Variants in DLGAP2 observed in about 807,000 individuals in gnomAD.
DLGAP2 encodes the protein disks large-associated protein 2.
DLGAP2 carries 26 observed loss-of-function variants against 100.3 expected under a neutral mutation model. The observed-to-expected ratio is 0.26, with a 90% CI of 0.19 to 0.36. DLGAP2 has a LOEUF of 0.36. Ranked by LOEUF, DLGAP2 falls within the 10% of genes least tolerant of loss-of-function variation. The pLI, the probability that DLGAP2 is intolerant of heterozygous loss-of-function variation, is 1.00. For missense variants in DLGAP2, 1,858 were observed against 1,453.2 expected (o/e 1.28, Z -4.53); for synonymous variants, 886 against 630.1 (o/e 1.41, Z -6.08).
intron 2 of DLGAP2, among the ~76,000 whole-genome samples, chr8:1,100,921 C>G (rs1168356967): frequency 6.6e-6 from 1 of 152,204 alleles, no homozygotes; most frequent in African/African-American, 2.4e-5. Flanking sequence ...TATAGCTGTT[C>G]CAGTGAAACT....
chr8:1,049,982 A>T (rs2701913), intron 2 of DLGAP2, among the ~76,000 whole-genome samples: 48,060 of 152,112 alleles, frequency 0.32, 7,885 homozygotes, highest in Middle Eastern at 0.39. Flanking sequence ...GCCTACGTGT[A>T]TGCACATGCA....
At chr8:1,694,980 G>A (rs527365233) in intron 13 of DLGAP2, among the ~76,000 whole-genome samples, 5 of 152,320 alleles carry the variant, frequency 3.3e-5, no homozygotes, top group East Asian at 3.9e-4. Flanking sequence ...GGCTGTGCCC[G>A]TCCGGCCCCA....
intron 2 of DLGAP2, among the ~76,000 whole-genome samples, chr8:1,222,826 G>A (rs77185680): frequency 0.022 from 3,280 of 152,192 alleles, 117 homozygotes; most frequent in African/African-American, 0.075. Context: ...GCATCCAGGC[G>A]GGGAGCCCAG....
At chr8:1,651,169 A>G (rs910380870) in intron 8 of DLGAP2, among the ~76,000 whole-genome samples, 9 of 152,210 alleles carry the variant, frequency 5.9e-5, no homozygotes, top group African/African-American at 2.2e-4. Flanking sequence ...CAGACACCGT[A>G]TTTCTTCCTC....
At chr8:1,329,886 A>G (rs1801109172) in intron 3 of DLGAP2, among the ~76,000 whole-genome samples, 1 of 152,224 alleles carries the variant, frequency 6.6e-6, no homozygotes, top group South Asian at 2.1e-4. Context: ...GCTCTGCTGA[A>G]GTGCACAACT....
chr8:1,474,054 C>T (rs1343528408), intron 3 of DLGAP2, among the ~76,000 whole-genome samples: 2 of 152,130 alleles, frequency 1.3e-5, no homozygotes, highest in Non-Finnish European at 2.9e-5. Flanking sequence ...CCCCCCGAGT[C>T]CCCAAAGTCC....
At chr8:851,449 T>C (rs747419777) in intron 1 of DLGAP2, among the ~76,000 whole-genome samples, 2 of 152,240 alleles carry the variant, frequency 1.3e-5, no homozygotes, top group Non-Finnish European at 2.9e-5. Flanking sequence ...GCTATTTCCC[T>C]GCTACTAGGT....
intron 3 of DLGAP2, among the ~76,000 whole-genome samples, chr8:1,370,459 G>A (rs1468207142): frequency 6.6e-6 from 1 of 152,156 alleles, no homozygotes; most frequent in African/African-American, 2.4e-5. Flanking sequence ...ACTTAAAATA[G>A]GTTGGGGCAT....
At chr8:1,048,926 A>C (rs935626798) in intron 2 of DLGAP2, among the ~76,000 whole-genome samples, 1 of 152,156 alleles carries the variant, frequency 6.6e-6, no homozygotes, top group African/African-American at 2.4e-5. Context: ...GCATGAACAG[A>C]CTCACGGGTA....
rs576703433 is a variant in DLGAP2, at chr8:815,354, A to T, written c.18+77529A>T. Among the ~76,000 whole-genome samples, 13 of 152,358 alleles carry T rather than the reference A, an allele frequency of 8.5e-5. No homozygotes were observed. In the South Asian group the frequency reaches 2.7e-3, roughly 32 times the overall value. On this transcript the variant is annotated intron_variant, in intron 1 of 14. Transcript: ENST00000637795. ...CCTCAAGCCTTTTTAGGAGGGCCTT[A>T]GCCCATCTGTGGAGGCTTTGCCCTC...
At chr8:1,547,186 G>C (rs183767562) in intron 4 of DLGAP2, among the ~76,000 whole-genome samples, 1 of 152,296 alleles carries the variant, frequency 6.6e-6, no homozygotes, top group Non-Finnish European at 1.5e-5. Flanking sequence ...AGGGAGGCTC[G>C]GCAGCTCCTC....
chr8:781,410 C>T (rs1042024800), intron 1 of DLGAP2, among the ~76,000 whole-genome samples: 11 of 151,758 alleles, frequency 7.2e-5, no homozygotes, highest in East Asian at 3.9e-4. Flanking sequence ...ATCGATAAGA[C>T]CTCAGGGATT....
intron 1 of DLGAP2, among the ~76,000 whole-genome samples, chr8:811,322 G>T (rs867714592): frequency 2.7e-5 from 4 of 146,184 alleles, no homozygotes; most frequent in Non-Finnish European, 6.0e-5. Flanking sequence ...GGCTCCTGCC[G>T]TGGTGAGAGG....
intron 4 of DLGAP2, among the ~76,000 whole-genome samples, chr8:1,525,826 G>A (rs1171944100): frequency 6.6e-6 from 1 of 152,134 alleles, no homozygotes; most frequent in Non-Finnish European, 1.5e-5. Context: ...ACCTCAGCAT[G>A]TCTTGGCCTC....
intron 2 of DLGAP2, among the ~76,000 whole-genome samples, chr8:1,193,564 T>G (rs1797683899): frequency 6.6e-6 from 1 of 152,202 alleles, no homozygotes; most frequent in Non-Finnish European, 1.5e-5. Flanking sequence ...GCTTCTTGTT[T>G]AAAGCTGGAT....
At chr8:1,691,464 G>C (rs1213231603) in intron 12 of DLGAP2, 71 bp from the exon 13 acceptor site, 10 of 1,329,640 alleles carry the variant, frequency 7.5e-6, no homozygotes, top group Non-Finnish European at 1.1e-5. Context: ...TTGGTGTGAT[G>C]TTTCTGCTTT....
rs1446141774 is a variant in DLGAP2 at position 1,548,885 on chromosome 8, G to A, written c.432G>A (p.Glu144=). 2 of 1,596,426 alleles carry A rather than the reference G, an allele frequency of 1.3e-6. No individual in the cohort carries two copies. Among genetic ancestry groups the A allele is most frequent in the Non-Finnish European group, 1.7e-6 (2 of 1,177,874 alleles). ...CGCCGCGCAGCTCGGTGCACTCGGA[G>A]TGCGTGATGATGCCGGTGGTGCTGG... ...RCSPRSSVHS[E]CVMMPVVLGD... is the part of the protein sequence containing the mutation. Residue 144 remains glutamate, a synonymous_variant, in exon 5 of 15, where the codon GAG becomes GAA. Transcript: ENST00000637795.
intron 1 of DLGAP2, among the ~76,000 whole-genome samples, chr8:845,263 C>T (rs1371364636): frequency 1.3e-5 from 2 of 152,146 alleles, no homozygotes; most frequent in African/African-American, 2.4e-5. Flanking sequence ...TTCTGCCAGT[C>T]GTATAGGAGG....
intron 2 of DLGAP2, among the ~76,000 whole-genome samples, chr8:1,093,895 T>G (rs543345542): frequency 6.6e-6 from 1 of 152,032 alleles, no homozygotes; most frequent in Admixed American, 6.5e-5. Flanking sequence ...AGCCGAGGGG[T>G]CTGTCTGCAT....
Sources: gnomAD v4.1 joint callset for allele counts (sites outside exome capture counted in the v4.1 genomes callset) on GRCh38, gnomAD v4.1.1 for gene constraint, MANE v1.5 for transcripts, NCBI Gene and HGNC (gene_info 2026-07-23, HGNC 2026-07-21) for gene names.